PGBD5: variants seen among roughly 807,000 people sequenced by gnomAD.
The protein encoded by PGBD5 is piggyBac transposable element derived 5, also known as piggyBac transposable element-derived protein 5.
A neutral mutation model predicts 47.9 loss-of-function variants in PGBD5; 14 were observed. That is an observed-to-expected ratio of 0.29 (90% CI 0.19 to 0.46). PGBD5 has a LOEUF of 0.46. PGBD5 is among the 20% of genes least tolerant of loss of function. PGBD5 has a pLI of 1.00. For missense variants in PGBD5, 635 were observed against 716.0 expected, an observed-to-expected ratio of 0.89 and a Z score of 1.29; for synonymous variants, 316 against 306.3, an observed-to-expected ratio of 1.03 and a Z score of -0.33.
intron 1 of PGBD5, among the ~76,000 whole-genome samples, chr1:230,409,729 A>G (rs1657374710): frequency 6.6e-6 from 1 of 152,204 alleles, no homozygotes; most frequent in Non-Finnish European, 1.5e-5. Context: ...AGTTTCACCA[A>G]CTGTGAATAT....
rs976465971 is a variant in PGBD5 at position 230,319,065 on chromosome 1, C to T, written c.*4360G>A. 5.9e-5 allele frequency: 9 copies of T among 152,206 alleles called. No homozygotes were observed. Among genetic ancestry groups the T allele is most frequent in the African/African-American group, 2.2e-4 (9 of 41,404 alleles). The allele number at this position is 152,206 out of a possible 1,614,324, so 9.4% of individuals were successfully genotyped here. On this transcript the variant is annotated 3_prime_UTR_variant, in exon 7 of 7. Coordinates refer to ENST00000391860, the MANE Select transcript of PGBD5 (RefSeq NM_001258311.2). ...TGTCAGGTAAGTCAGGGATAAAATC[C>T]CCCGTCCTCGTGATGAATCAGGACA...
chr1:230,383,455 C>G (rs1656562001), intron 1 of PGBD5, among the ~76,000 whole-genome samples: 1 of 152,088 alleles, frequency 6.6e-6, no homozygotes, highest in Non-Finnish European at 1.5e-5. Flanking sequence ...ACCTCAAACT[C>G]CTGGGCTCAG....
chr1:230,423,022 T>TA (rs5781584), intron 1 of PGBD5, among the ~76,000 whole-genome samples: 312 of 142,672 alleles, frequency 2.2e-3, no homozygotes, highest in East Asian at 8.0e-3. Context: ...TCTTTCTGAT[T>TA]AAAAAAAAAA....
chr1:230,362,187 CGA>C, intron 1 of PGBD5: 4 of 1,287,252 alleles, frequency 3.1e-6, no homozygotes, highest in Non-Finnish European at 4.1e-6. Context: ...CTCTGCTGCA[CGA>C]GAGGGTGGGG....
At chr1:230,324,827 C>T (rs561385438) in intron 6 of PGBD5, among the ~76,000 whole-genome samples, 1 of 152,202 alleles carries the variant, frequency 6.6e-6, no homozygotes, top group East Asian at 1.9e-4. Context: ...AACATGAGAC[C>T]ACATCTGGTG....
intron 5 of PGBD5, among the ~76,000 whole-genome samples, chr1:230,330,923 C>T (rs927486163): frequency 6.6e-6 from 1 of 152,206 alleles, no homozygotes; most frequent in Admixed American, 6.5e-5. Flanking sequence ...CAATATCCTC[C>T]TTACATGCTC....
At chr1:230,418,321 G>A (rs1210218877) in intron 1 of PGBD5, among the ~76,000 whole-genome samples, 1 of 152,174 alleles carries the variant, frequency 6.6e-6, no homozygotes, top group Non-Finnish European at 1.5e-5. Context: ...CTGTAGTACA[G>A]TTGTACAGTG....
intron 1 of PGBD5, among the ~76,000 whole-genome samples, chr1:230,384,014 T>C (rs1461250427): frequency 4.0e-5 from 6 of 150,038 alleles, no homozygotes; most frequent in Non-Finnish European, 8.9e-5. Context: ...AACAGCGTGC[T>C]TGTCCCGTCC....
intron 1 of PGBD5, among the ~76,000 whole-genome samples, chr1:230,422,892 C>A (rs1018129015): frequency 1.3e-5 from 2 of 151,830 alleles, no homozygotes; most frequent in African/African-American, 4.8e-5. Flanking sequence ...CTACTGTGTG[C>A]ACTCCCTTAT....
Position 230,377,578 on chromosome 1 carries a change from A to G in PGBD5, c.332-20257T>C, listed in dbSNP as rs531493748. 5.0e-6 allele frequency: 8 copies of G among 1,600,578 alleles called. No homozygotes were observed. The South Asian group carries it at 6.8e-5, about 14-fold the overall frequency. Reference sequence around the variant, plus strand: ...CAGCTCAGGTCCTGCAGAGTCCCCGAGAGTACTTTGCACGAAGAGAGCTCG... The same window carrying G: ...CAGCTCAGGTCCTGCAGAGTCCCCGGGAGTACTTTGCACGAAGAGAGCTCG... On this transcript the variant is annotated intron_variant, in intron 1 of 6. Coordinates refer to ENST00000391860, the MANE Select transcript of PGBD5 (RefSeq NM_001258311.2).
chr1:230,315,737 C>T lies in PGBD5; in HGVS notation c.*7688G>A, dbSNP rs1558186306. On this transcript the variant is annotated 3_prime_UTR_variant, in exon 7 of 7. Coordinates refer to ENST00000391860, the MANE Select transcript of PGBD5 (RefSeq NM_001258311.2). ...GATAGATATATATATTAAGTGGACA[C>T]TGTATGTGTATATATACACATACAT... 6.7e-6 allele frequency: 1 copy of T among 148,566 alleles called. No individual in the cohort carries two copies. Among genetic ancestry groups the T allele is most frequent in the Admixed American group, 6.7e-5 (1 of 14,878 alleles). 9.2% of individuals were successfully genotyped at this position (148,566 alleles called of 1,614,324 possible).
intron 5 of PGBD5, among the ~76,000 whole-genome samples, chr1:230,329,122 T>TG (rs77950968): frequency 0.24 from 36,430 of 150,550 alleles, 4,618 homozygotes; most frequent in East Asian, 0.43. Context: ...AATTTTTTTT[T>TG]GGGGGGGGAG....
chr1:230,395,249 C>T (rs1442484677), intron 1 of PGBD5, among the ~76,000 whole-genome samples: 1 of 37,546 alleles, frequency 2.7e-5, no homozygotes, highest in Non-Finnish European at 5.1e-5. Context: ...TCATTCCCAC[C>T]CTTCTCCCCC....
chr1:230,335,026 C>T (rs1667280180), intron 4 of PGBD5, among the ~76,000 whole-genome samples: 1 of 145,642 alleles, frequency 6.9e-6, no homozygotes. Context: ...CCACTCGACA[C>T]AGACACACAC....
intron 1 of PGBD5, among the ~76,000 whole-genome samples, chr1:230,381,870 C>T (rs904530573): frequency 1.3e-5 from 2 of 152,134 alleles, no homozygotes; most frequent in African/African-American, 4.8e-5. Flanking sequence ...CCTCGGGCTA[C>T]AGTACCCACT....
At position 230,321,586 on chromosome 1, in the gene PGBD5, G is replaced by A. The variant is rs1448747233; in HGVS notation, c.*1839C>T. ...CCAAAAGTGCTGGGATTACAGGCAT[G>A]AGCCACCGCACCCCGCCTGTTCCCT... is the stretch of plus-strand genomic sequence containing the variant. On this transcript the variant is annotated 3_prime_UTR_variant, in exon 7 of 7. Coordinates refer to ENST00000391860, the MANE Select transcript of PGBD5 (RefSeq NM_001258311.2). 1.3e-5 allele frequency: 2 copies of A among 152,294 alleles called. No individual in the cohort carries two copies. Among genetic ancestry groups the A allele is most frequent in the East Asian group, 1.9e-4 (1 of 5,202 alleles). The allele number at this position is 152,294 out of a possible 1,614,324, so 9.4% of individuals were successfully genotyped here.
At chr1:230,358,715 T>TA (rs1667697423) in intron 1 of PGBD5, among the ~76,000 whole-genome samples, 1 of 152,224 alleles carries the variant, frequency 6.6e-6, no homozygotes, top group African/African-American at 2.4e-5. Flanking sequence ...CACAAATACT[T>TA]ACCATTACGC....
chr1:230,333,412 A>C (rs1040425887), intron 4 of PGBD5, among the ~76,000 whole-genome samples: 1 of 152,202 alleles, frequency 6.6e-6, no homozygotes, highest in Non-Finnish European at 1.5e-5. Flanking sequence ...TACTTCAAGA[A>C]ACTTCTGCAC....
In PGBD5 at chr1:230,323,075, G is replaced by A. The variant is rs944282283; in HGVS notation, c.*350C>T. The A allele has an allele frequency of 5.8e-5, 15 of 258,888 alleles. No homozygotes were observed. Among genetic ancestry groups the A allele is most frequent in the African/African-American group, 2.6e-4 (12 of 45,718 alleles). 16.0% of individuals were successfully genotyped at this position (258,888 alleles called of 1,614,324 possible). On this transcript the variant is annotated 3_prime_UTR_variant, in exon 7 of 7. Transcript: ENST00000391860. This position sits in a 1 kb window ranked among gnomAD's most constrained non-coding sequence, Gnocchi z 4.1. ...AGGAAGCAGGCATCTCTCTTAGAGC[G>A]TGCTCCAGCTCATTCTACCACGGGG...
Sources: allele counts gnomAD v4.1 joint callset (sites outside exome capture counted in the v4.1 genomes callset), GRCh38; gene constraint gnomAD v4.1.1; non-coding constraint Gnocchi (gnomAD v3.1); transcripts MANE v1.5; gene names NCBI Gene and HGNC (gene_info 2026-07-23, HGNC 2026-07-21).